The following SORCS1 variants were observed in gnomAD, a reference collection of about 807,000 sequenced individuals.
The protein encoded by SORCS1 is VPS10 domain-containing receptor SorCS1.
A neutral mutation model predicts 146.1 loss-of-function variants in SORCS1; 60 were observed. That is an observed-to-expected ratio of 0.41 (90% CI 0.33 to 0.51). The LOEUF (loss-of-function observed/expected upper bound fraction) is 0.51, where lower values mean the gene tolerates loss of function less well. Among genes scored for constraint, SORCS1 ranks in the 20% least tolerant of loss-of-function variants. The pLI, the probability that SORCS1 is intolerant of heterozygous loss-of-function variation, is 0.21. For synonymous variants in SORCS1, 637 were observed against 584.0 expected (o/e 1.09, Z -1.31); for missense variants, 1,352 against 1,487.6 (o/e 0.91, Z 1.50).
intron 2 of SORCS1, among the ~76,000 whole-genome samples, chr10:106,887,067 T>C (rs1280167764): frequency 6.6e-6 from 1 of 152,164 alleles, no homozygotes; most frequent in Non-Finnish European, 1.5e-5. Context: ...ACCAACAGAT[T>C]CATAAACACC....
chr10:106,737,055 A>G (rs2486150), intron 5 of SORCS1, among the ~76,000 whole-genome samples: 139 of 150,824 alleles, frequency 9.2e-4, no homozygotes, highest in Non-Finnish European at 6.9e-4. Context: ...GTGTGTGTGC[A>G]TGTGAGTGTG....
chr10:106,677,582 G>A (rs1243042157), intron 12 of SORCS1, among the ~76,000 whole-genome samples, 178 bp from the exon 13 acceptor site: 4 of 152,114 alleles, frequency 2.6e-5, no homozygotes, highest in African/African-American at 7.2e-5. Flanking sequence ...TTATACCATT[G>A]GTGTTGTACA....
At chr10:106,930,294 A>AC (rs1953350017) in intron 2 of SORCS1, among the ~76,000 whole-genome samples, 1 of 152,018 alleles carries the variant, frequency 6.6e-6, no homozygotes, top group Admixed American at 6.6e-5. Context: ...AAAAAAAAAA[A>AC]CAAAAAAACA....
chr10:106,945,609 G>C (rs1954298396), intron 2 of SORCS1, among the ~76,000 whole-genome samples: 1 of 152,202 alleles, frequency 6.6e-6, no homozygotes, highest in African/African-American at 2.4e-5. Context: ...AATGCTTCCT[G>C]AATCTATAAC....
At chr10:106,836,052 CT>C (rs1445349262) in intron 2 of SORCS1, among the ~76,000 whole-genome samples, 2 of 151,710 alleles carry the variant, frequency 1.3e-5, no homozygotes, top group African/African-American at 4.8e-5. Context: ...AACGAATGCT[CT>C]TTGAGTACAT....
At chr10:106,751,200 T>C (rs919985433) in intron 5 of SORCS1, among the ~76,000 whole-genome samples, 1 of 151,970 alleles carries the variant, frequency 6.6e-6, no homozygotes, top group Non-Finnish European at 1.5e-5. Flanking sequence ...AAAAATTTTC[T>C]TATCTAGCAC....
chr10:107,099,421 A>T (rs887128872), intron 1 of SORCS1, among the ~76,000 whole-genome samples: 3 of 152,182 alleles, frequency 2.0e-5, no homozygotes, highest in Admixed American at 2.0e-4. Flanking sequence ...GTTAAACAAG[A>T]TTCCCTAAAG....
At chr10:106,856,973 T>TG (rs112250256) in intron 2 of SORCS1, among the ~76,000 whole-genome samples, 2 of 152,218 alleles carry the variant, frequency 1.3e-5, no homozygotes, top group African/African-American at 4.8e-5. Flanking sequence ...GCTTTTAACT[T>TG]GCTAGGAAAA....
chr10:106,813,373 C>T (rs1947574164), intron 3 of SORCS1, among the ~76,000 whole-genome samples: 1 of 151,780 alleles, frequency 6.6e-6, no homozygotes, highest in African/African-American at 2.4e-5. Flanking sequence ...ACTTCGTGAT[C>T]CTACCTACCT....
chr10:106,670,515 C>T (rs1851508572), intron 16 of SORCS1, among the ~76,000 whole-genome samples: 1 of 152,184 alleles, frequency 6.6e-6, no homozygotes, highest in East Asian at 1.9e-4. Flanking sequence ...GGTCAGCTAA[C>T]TACGAATCGA....
chr10:106,696,317 A>G (rs1028486577), intron 9 of SORCS1, among the ~76,000 whole-genome samples: 2 of 152,168 alleles, frequency 1.3e-5, no homozygotes, highest in Non-Finnish European at 2.9e-5. Flanking sequence ...ATTCATTGCA[A>G]TTCTACTGGG....
chr10:106,986,647 A>G (rs933228515), intron 1 of SORCS1, among the ~76,000 whole-genome samples: 1 of 151,578 alleles, frequency 6.6e-6, no homozygotes, highest in Non-Finnish European at 1.5e-5. Flanking sequence ...TCTCACAGGT[A>G]CTAAAGCTCT....
intron 3 of SORCS1, among the ~76,000 whole-genome samples, chr10:106,821,690 G>A (rs1049740886): frequency 6.6e-6 from 1 of 152,176 alleles, no homozygotes; most frequent in African/African-American, 2.4e-5. Flanking sequence ...GGGAGGCCGA[G>A]GCGGGCGGAT....
chr10:106,885,417 A>G lies in SORCS1; in HGVS notation c.627-55744T>C, dbSNP rs546620066. On this transcript the variant is annotated intron_variant, in intron 2 of 25. Coordinates refer to ENST00000263054, the MANE Select transcript of SORCS1 (RefSeq NM_052918.5). Reference sequence around the variant, plus strand: ...GATCTCAATTATTGAATGCTTCATAATTTAGTCTGAAGAAAAGAATTCATG... The same window carrying G: ...GATCTCAATTATTGAATGCTTCATAGTTTAGTCTGAAGAAAAGAATTCATG... 1.2e-3 allele frequency among the ~76,000 whole-genome samples: 180 copies of G among 152,308 alleles called. 1 individual carries two copies. The highest frequency in any genetic ancestry group is 6.8e-3 in the Middle Eastern group (2 of 294).
intron 1 of SORCS1, among the ~76,000 whole-genome samples, chr10:107,093,550 G>A (rs760159409): frequency 2.3e-4 from 35 of 151,978 alleles, no homozygotes; most frequent in African/African-American, 7.2e-4. Flanking sequence ...GTGTGTGCCC[G>A]TAGTCCCAGC....
chr10:106,872,628 C>T (rs1245380092), intron 2 of SORCS1, among the ~76,000 whole-genome samples: 1 of 152,092 alleles, frequency 6.6e-6, no homozygotes, highest in East Asian at 1.9e-4. Flanking sequence ...GAGATACTCC[C>T]TAGAAAGTTC....
chr10:106,620,361 C>T (rs1847657312), intron 20 of SORCS1, 67 bp downstream of exon 20: 30 of 1,550,546 alleles, frequency 1.9e-5, no homozygotes, highest in Non-Finnish European at 2.4e-5. Flanking sequence ...CATTTCATTC[C>T]CTCCTTTGCT....
chr10:106,802,108 C>G (rs1379452481), intron 3 of SORCS1, among the ~76,000 whole-genome samples: 1 of 152,170 alleles, frequency 6.6e-6, no homozygotes, highest in Non-Finnish European at 1.5e-5. Flanking sequence ...TTACCAAGTA[C>G]ATGTCATATC....
intron 2 of SORCS1, among the ~76,000 whole-genome samples, chr10:106,930,576 T>A (rs1361125295): frequency 1.3e-5 from 2 of 152,200 alleles, no homozygotes; most frequent in Non-Finnish European, 2.9e-5. Flanking sequence ...TATCTTCACA[T>A]TCAAGAAAAT....
Sources: gnomAD v4.1 joint callset for allele counts (sites outside exome capture counted in the v4.1 genomes callset) on GRCh38, gnomAD v4.1.1 for gene constraint, MANE v1.5 for transcripts, NCBI Gene and HGNC (gene_info 2026-07-23, HGNC 2026-07-21) for gene names.